The following SIPA1L1 variants were observed in gnomAD, a reference collection of about 807,000 sequenced individuals.
The protein encoded by SIPA1L1 is signal-induced proliferation-associated 1-like protein 1.
In SIPA1L1, 26 loss-of-function variants were observed where a neutral mutation model predicts 162.7. That is an observed-to-expected ratio of 0.16 (90% confidence interval 0.12 to 0.22). The LOEUF (loss-of-function observed/expected upper bound fraction) is 0.22, where lower values mean the gene tolerates loss of function less well. Ranked by LOEUF, SIPA1L1 falls within the 10% of genes least tolerant of loss-of-function variation. The pLI is 1.00. For missense variants in SIPA1L1, 1,874 were observed against 2,241.0 expected (o/e 0.84, Z 3.31); for synonymous variants, 829 against 837.4 (o/e 0.99, Z 0.17).
chr14:71,655,822 T>G (rs916556338), intron 8 of SIPA1L1, among the ~76,000 whole-genome samples: 1 of 152,194 alleles, frequency 6.6e-6, no homozygotes, highest in Non-Finnish European at 1.5e-5. Flanking sequence ...GGCTGTTTGT[T>G]TTTTTCTTGT....
chr14:71,357,037 A>G (rs1351042551), intron 2 of SIPA1L1, among the ~76,000 whole-genome samples: 1 of 152,124 alleles, frequency 6.6e-6, no homozygotes. Flanking sequence ...ACAAATCATG[A>G]CATTATTATA....
At chr14:71,604,863 A>G (rs2037302849) in intron 5 of SIPA1L1, among the ~76,000 whole-genome samples, 1 of 152,136 alleles carries the variant, frequency 6.6e-6, no homozygotes, top group Admixed American at 6.5e-5. Flanking sequence ...GCTGTGGAGA[A>G]GACCCTTTTT....
chr14:71,618,209 G>A (rs187518190), intron 5 of SIPA1L1, among the ~76,000 whole-genome samples: 1 of 152,298 alleles, frequency 6.6e-6, no homozygotes, highest in East Asian at 1.9e-4. Context: ...CCTCCCTGGG[G>A]CACTGTGAAG....
chr14:71,668,761 G>A (rs61994381), intron 10 of SIPA1L1, among the ~76,000 whole-genome samples: 3,430 of 152,248 alleles, frequency 0.023, 48 homozygotes, highest in Non-Finnish European at 0.033. Flanking sequence ...GGTAAATAAA[G>A]CATGGCTATG....
intron 2 of SIPA1L1, among the ~76,000 whole-genome samples, chr14:71,402,476 G>A (rs1198205085): frequency 2.6e-5 from 4 of 151,942 alleles, no homozygotes; most frequent in Admixed American, 1.3e-4. Flanking sequence ...AGCCTCCTGA[G>A]TAGGTGGGAT....
intron 2 of SIPA1L1, among the ~76,000 whole-genome samples, chr14:71,349,210 T>C (rs1008453160): frequency 4.6e-5 from 7 of 152,148 alleles, no homozygotes; most frequent in African/African-American, 1.7e-4. Context: ...AAGGGAATGA[T>C]CTAATGGTAA....
At position 71,735,386 on chromosome 14, in the gene SIPA1L1, C is replaced by T. The variant is rs753674750; in HGVS notation, c.5118C>T (p.Tyr1706=). The change falls in exon 22 of 24, where the codon TAC becomes TAT. Residue 1706 remains tyrosine (Y), a synonymous_variant. Coordinates refer to ENST00000381232, the MANE Select transcript of SIPA1L1 (RefSeq NM_001386936.1). ...EDQALAQMKP[Y]SSSKDSSPTL... is the part of the protein sequence containing the mutation. ...AGGCTCTGGCCCAGATGAAGCCTTA[C>T]AGCAGGTTGGTCCCAGTGCAAGGGC... 3.1e-6 allele frequency: 5 copies of T among 1,611,294 alleles called. No homozygotes were observed. The Admixed American group carries it at 6.7e-5, about 21-fold the overall frequency.
chr14:71,416,764 C>T (rs2042799985), intron 2 of SIPA1L1, among the ~76,000 whole-genome samples: 2 of 151,892 alleles, frequency 1.3e-5, no homozygotes, highest in Admixed American at 6.6e-5. Context: ...CATGCACACA[C>T]ACACAACCTT....
intron 5 of SIPA1L1, among the ~76,000 whole-genome samples, chr14:71,596,139 CT>C (rs1259625603): frequency 1.3e-5 from 2 of 152,246 alleles, no homozygotes; most frequent in Non-Finnish European, 2.9e-5. Context: ...GGCTTCAGTC[CT>C]TCAAAGGAAA....
intron 12 of SIPA1L1, among the ~76,000 whole-genome samples, chr14:71,680,343 A>T (rs925616262): frequency 2.0e-5 from 3 of 152,250 alleles, no homozygotes; most frequent in Admixed American, 1.3e-4. Flanking sequence ...TTATAACGAA[A>T]TGAAGGCAGA....
intron 2 of SIPA1L1, among the ~76,000 whole-genome samples, chr14:71,464,898 A>G (rs1383490438): frequency 6.6e-6 from 1 of 152,124 alleles, no homozygotes; most frequent in East Asian, 1.9e-4. Context: ...GACTTTAGTT[A>G]TAGGTCTAGA....
In SIPA1L1 at chr14:71,667,792, G is replaced by A. The variant is rs535778611; in HGVS notation, c.2256-3327G>A. ...CAGAAGTCTTTGAAACAGGCCGGGCGTGTTGGCTCATGCCTGTAATCCCAG... is the reference window on the plus strand; with the variant it reads ...CAGAAGTCTTTGAAACAGGCCGGGCATGTTGGCTCATGCCTGTAATCCCAG... On this transcript the variant is annotated intron_variant, in intron 10 of 23. Transcript: ENST00000381232. 1.1e-3 allele frequency among the ~76,000 whole-genome samples: 164 copies of A among 152,304 alleles called. 4 individuals carry two copies. The South Asian group carries it at 0.021, about 19-fold the overall frequency.
intron 4 of SIPA1L1, among the ~76,000 whole-genome samples, chr14:71,549,138 G>A (rs1233108368): frequency 2.0e-5 from 3 of 152,136 alleles, no homozygotes; most frequent in Admixed American, 6.5e-5. Flanking sequence ...AGAAAGATTT[G>A]GAATGCGTTT....
chr14:71,448,010 G>T (rs1367825168), intron 2 of SIPA1L1, among the ~76,000 whole-genome samples: 1 of 152,158 alleles, frequency 6.6e-6, no homozygotes, highest in African/African-American at 2.4e-5. Flanking sequence ...AAGACATTTA[G>T]CTTTCTGTTC....
intron 4 of SIPA1L1, among the ~76,000 whole-genome samples, chr14:71,534,794 G>A (rs1290719519): frequency 6.6e-6 from 1 of 152,198 alleles, no homozygotes; most frequent in African/African-American, 2.4e-5. Flanking sequence ...AGAAGCCAAT[G>A]TACATTCATC....
chr14:71,627,489 T>C (rs2040147367), intron 7 of SIPA1L1, among the ~76,000 whole-genome samples: 1 of 152,118 alleles, frequency 6.6e-6, no homozygotes, highest in African/African-American at 2.4e-5. Flanking sequence ...AAAATGGCAA[T>C]GAGAAGACAA....
At chr14:71,715,841 C>A (rs1205961885) in intron 17 of SIPA1L1, among the ~76,000 whole-genome samples, 3 of 152,092 alleles carry the variant, frequency 2.0e-5, no homozygotes, top group Non-Finnish European at 4.4e-5. Context: ...TTTCTTTATC[C>A]TTTTTAGATG....
chr14:71,479,526 G>A (rs1284154597), intron 2 of SIPA1L1, among the ~76,000 whole-genome samples: 2 of 152,086 alleles, frequency 1.3e-5, no homozygotes, highest in Non-Finnish European at 2.9e-5. Context: ...CTCCTGAGTA[G>A]CTGGGACTAC....
At chr14:71,491,653 A>G (rs190912007) in intron 2 of SIPA1L1, among the ~76,000 whole-genome samples, 22 of 151,180 alleles carry the variant, frequency 1.5e-4, no homozygotes, top group African/African-American at 4.4e-4. Flanking sequence ...TCCCACCTCA[A>G]CCCCACAAGT....
Sources: gnomAD v4.1 joint callset for allele counts (sites outside exome capture counted in the v4.1 genomes callset) on GRCh38, gnomAD v4.1.1 for gene constraint, MANE v1.5 for transcripts, NCBI Gene and HGNC (gene_info 2026-07-23, HGNC 2026-07-21) for gene names.